The following STK32B variants were observed in gnomAD, a reference collection of about 807,000 sequenced individuals.
STK32B encodes the protein serine/threonine kinase 32B, also known as serine/threonine-protein kinase 32B.
Under a neutral mutation model 52.6 loss-of-function variants are expected in STK32B, and 43 were observed. That is an observed-to-expected ratio of 0.82 (90% CI 0.64 to 1.05). The LOEUF (loss-of-function observed/expected upper bound fraction) is 1.05. STK32B is among the 50% of genes least tolerant of loss of function. The pLI is 0.00. For missense variants in STK32B, 621 were observed against 534.6 expected (o/e 1.16, Z -1.59); for synonymous variants, 238 against 204.3 (o/e 1.17, Z -1.41).
chr4:5,071,685 T>C (rs1711788777), intron 1 of STK32B, among the ~76,000 whole-genome samples: 1 of 152,198 alleles, frequency 6.6e-6, no homozygotes, highest in East Asian at 1.9e-4. Flanking sequence ...GAACACACCT[T>C]TCATGCATTA....
chr4:5,401,324 T>TA (rs1389211580), intron 5 of STK32B, among the ~76,000 whole-genome samples: 11 of 152,212 alleles, frequency 7.2e-5, no homozygotes, highest in Admixed American at 7.2e-4. Context: ...TGTGTATTGC[T>TA]ATTTCAAGAG....
chr4:5,307,804 T>A (rs1295044271), intron 3 of STK32B, among the ~76,000 whole-genome samples: 1 of 149,640 alleles, frequency 6.7e-6, no homozygotes, highest in South Asian at 2.1e-4. Context: ...CAGATTCTTT[T>A]GTCCCACGGG....
chr4:5,201,419 A>G (rs1346979405), intron 3 of STK32B, among the ~76,000 whole-genome samples: 1 of 152,198 alleles, frequency 6.6e-6, no homozygotes, highest in Non-Finnish European at 1.5e-5. Flanking sequence ...CTTCCAGCTC[A>G]GCGTCTTGCT....
intron 3 of STK32B, among the ~76,000 whole-genome samples, chr4:5,210,797 CT>C (rs373764187): frequency 0.083 from 11,885 of 142,662 alleles, 675 homozygotes; most frequent in Admixed American, 0.18. Context: ...TTTAGAAATA[CT>C]TTTTTTTTTT....
At chr4:5,191,726 A>G (rs1427530065) in intron 3 of STK32B, among the ~76,000 whole-genome samples, 1 of 152,222 alleles carries the variant, frequency 6.6e-6, no homozygotes, top group Non-Finnish European at 1.5e-5. Context: ...GGGCCCAAGC[A>G]CAGCCAACTT....
At chr4:5,130,154 C>A (rs922070739) in intron 1 of STK32B, among the ~76,000 whole-genome samples, 2 of 149,522 alleles carry the variant, frequency 1.3e-5, no homozygotes, top group African/African-American at 5.0e-5. Context: ...TGAGGGAAGA[C>A]CTCTCACCTT....
intron 4 of STK32B, among the ~76,000 whole-genome samples, chr4:5,385,686 A>C (rs1402204777): frequency 1.3e-5 from 2 of 152,044 alleles, no homozygotes; most frequent in Non-Finnish European, 2.9e-5. Flanking sequence ...CGTTTGTTGC[A>C]CTTAGAGCAG....
intron 1 of STK32B, among the ~76,000 whole-genome samples, chr4:5,053,614 TTTCCTG>T (rs1300053685): frequency 6.6e-6 from 1 of 152,192 alleles, no homozygotes; most frequent in Non-Finnish European, 1.5e-5. Flanking sequence ...ACCTTTTGAT[TTTCCTG>T]TTCCTGTTCC....
chr4:5,473,410 T>C (rs923176772), intron 11 of STK32B, among the ~76,000 whole-genome samples: 3 of 152,166 alleles, frequency 2.0e-5, no homozygotes, highest in African/African-American at 4.8e-5. Flanking sequence ...CTCCCTTTTA[T>C]TGGGTGTTCA....
At chr4:5,461,045 C>T (rs1321224381) in intron 9 of STK32B, among the ~76,000 whole-genome samples, 2 of 152,144 alleles carry the variant, frequency 1.3e-5, no homozygotes, top group African/African-American at 4.8e-5. Context: ...TGCCTGGAAG[C>T]CTCCTGTGGT....
At chr4:5,466,172 C>T (rs536795456) in intron 9 of STK32B, among the ~76,000 whole-genome samples, 125 of 152,258 alleles carry the variant, frequency 8.2e-4, no homozygotes, top group Non-Finnish European at 1.4e-3. Context: ...CTAAATTCCT[C>T]CTGACCACAG....
intron 1 of STK32B, among the ~76,000 whole-genome samples, chr4:5,128,474 A>G (rs1463907475): frequency 6.6e-6 from 1 of 152,212 alleles, no homozygotes; most frequent in East Asian, 1.9e-4. Context: ...TCCTGTATGA[A>G]TTAGGCATAT....
At chr4:5,169,579 A>G (rs1719179186) in intron 3 of STK32B, among the ~76,000 whole-genome samples, 1 of 152,164 alleles carries the variant, frequency 6.6e-6, no homozygotes, top group African/African-American at 2.4e-5. Flanking sequence ...TGTGCGTGCC[A>G]GGTGCCACAG....
chr4:5,194,483 A>G (rs1231558372), intron 3 of STK32B, among the ~76,000 whole-genome samples: 1 of 152,216 alleles, frequency 6.6e-6, no homozygotes, highest in East Asian at 1.9e-4. Context: ...TGCCCTTTGC[A>G]TGGGTGATAT....
intron 4 of STK32B, among the ~76,000 whole-genome samples, chr4:5,366,686 C>T (rs1240611492): frequency 6.6e-6 from 1 of 152,190 alleles, no homozygotes; most frequent in Non-Finnish European, 1.5e-5. Flanking sequence ...GAGTGAAAGC[C>T]CTGGGCATTT....
chr4:5,020,052 G>A, the STK32B span, among the ~76,000 whole-genome samples: 2 of 152,268 alleles, frequency 1.3e-5, no homozygotes, highest in Non-Finnish European at 2.9e-5. Context: ...TGTGTCTCTC[G>A]GTCCGGAGGA....
intron 6 of STK32B, among the ~76,000 whole-genome samples, chr4:5,425,145 T>A (rs1712982691): frequency 6.6e-6 from 1 of 152,194 alleles, no homozygotes; most frequent in African/African-American, 2.4e-5. Flanking sequence ...GTGCCTGGCT[T>A]GCCCTTGGCA....
rs928016211 is a variant in STK32B at position 5,442,303 on chromosome 4, A to G, written c.563-4370A>G. Among the ~76,000 whole-genome samples the G allele has an allele frequency of 8.6e-5, 13 of 151,986 alleles. No individual in the cohort carries two copies. In the East Asian group the frequency reaches 2.1e-3, roughly 25 times the overall value. On this transcript the variant is annotated intron_variant, in intron 6 of 11. Coordinates refer to ENST00000282908, the MANE Select transcript of STK32B (RefSeq NM_018401.3). ...CTTGGTGCTCCTGTATTGGTTGCATATATATTTAGAATAGTTAGCTCTTCT... is the reference window on the plus strand; with the variant it reads ...CTTGGTGCTCCTGTATTGGTTGCATGTATATTTAGAATAGTTAGCTCTTCT...
chr4:5,021,209 G>A, the STK32B span, among the ~76,000 whole-genome samples: 1 of 152,364 alleles, frequency 6.6e-6, no homozygotes, highest in African/African-American at 2.4e-5. Flanking sequence ...GCTGGGCGAT[G>A]TCTGAGGTTC....
Sources: allele counts gnomAD v4.1 joint callset (sites outside exome capture counted in the v4.1 genomes callset), GRCh38; gene constraint gnomAD v4.1.1; transcripts MANE v1.5; gene names NCBI Gene and HGNC (gene_info 2026-07-23, HGNC 2026-07-21).